Variants in HPD observed in about 807,000 individuals in gnomAD.
The protein encoded by HPD is 4-hydroxyphenylpyruvate dioxygenase, also known as 4-hydroxyphenylpyruvic acid oxidase.
Under a neutral mutation model 56.9 loss-of-function variants are expected in HPD, and 35 were observed. The ratio of observed to expected loss-of-function variants is 0.62; its 90% confidence interval spans 0.47 to 0.82. The LOEUF (loss-of-function observed/expected upper bound fraction) is 0.82. Ranked by LOEUF, HPD falls within the 40% of genes least tolerant of loss-of-function variation. HPD has a pLI of 0.00. For missense variants in HPD, 442 were observed against 506.8 expected, an observed-to-expected ratio of 0.87 and a Z score of 1.23; for synonymous variants, 186 against 200.2, an observed-to-expected ratio of 0.93 and a Z score of 0.60.
intron 7 of HPD, chr12:121,850,071 T>C: frequency 2.4e-6 from 1 of 422,116 alleles, no homozygotes; most frequent in Non-Finnish European, 4.5e-6. Context: ...AGCACCTACT[T>C]CATTTATTTC....
the HPD span, among the ~76,000 whole-genome samples, chr12:121,878,671 T>G: frequency 6.7e-6 from 1 of 148,386 alleles, no homozygotes; most frequent in South Asian, 2.1e-4. Flanking sequence ...TTTTGGTTTT[T>G]CGTTCTTTTT....
chr12:121,854,266 T>A (rs1004360334), intron 7 of HPD, among the ~76,000 whole-genome samples: 10 of 151,964 alleles, frequency 6.6e-5, no homozygotes, highest in East Asian at 3.9e-4. Flanking sequence ...TAAAAAAAAA[T>A]TTTTTTGAGG....
chr12:121,858,768 T>A, intron 1 of HPD, 53 bp downstream of exon 1: 1 of 1,613,922 alleles, frequency 6.2e-7, no homozygotes, highest in Middle Eastern at 1.6e-4. Flanking sequence ...AAGGTGCTTC[T>A]GGAAGCGTTA....
At chr12:121,841,720 G>A (rs1388216355) in intron 12 of HPD, among the ~76,000 whole-genome samples, 1 of 150,824 alleles carries the variant, frequency 6.6e-6, no homozygotes, top group Non-Finnish European at 1.5e-5. Context: ...GTTTCACTCT[G>A]TCGCCCAGGC....
At chr12:121,872,752 T>C in the HPD span, among the ~76,000 whole-genome samples, 1 of 151,876 alleles carries the variant, frequency 6.6e-6, no homozygotes, top group Non-Finnish European at 1.5e-5. Flanking sequence ...CTCTGAGCTC[T>C]GAGTATGCTG....
chr12:121,854,644 C>T (rs969683124), intron 7 of HPD, 59 bp downstream of exon 7: 44 of 1,175,222 alleles, frequency 3.7e-5, no homozygotes, highest in Non-Finnish European at 5.4e-5. Flanking sequence ...AGCTGCGGGG[C>T]TCCTGGCATC....
rs1795963 is a variant in HPD, at chr12:121,843,669, A to G, written c.954+41T>C. On this transcript the variant is annotated intron_variant, in intron 12 of 13. Coordinates refer to ENST00000289004, the MANE Select transcript of HPD (RefSeq NM_002150.3). ...TCTGAAAAGATGCAATGCAGAGCTC[A>G]TACTCCCCCCACAAGGCTGCGGATC... The G allele has an allele frequency of 0.63, 1,020,787 of 1,609,634 alleles. 328,955 individuals carry two copies. The highest frequency in any genetic ancestry group is 0.87 in the African/African-American group (64,909 of 74,904).
chr12:121,858,769 GGAAGCGTTACT>G, intron 1 of HPD, 41 bp downstream of exon 1: 1 of 1,613,952 alleles, frequency 6.2e-7, no homozygotes, highest in Non-Finnish European at 8.5e-7. Context: ...AGGTGCTTCT[GGAAGCGTTACT>G]GAAGATGTCC....
upstream of HPD, among the ~76,000 whole-genome samples, chr12:121,859,887 G>A (rs1018284372): frequency 6.6e-6 from 1 of 152,208 alleles, no homozygotes; most frequent in Non-Finnish European, 1.5e-5. Context: ...GGCCGGGGGT[G>A]GTGGCTCACG....
Position 121,843,829 on chromosome 12 carries a change from G to C in HPD, c.835C>G (p.Arg279Gly), listed in dbSNP as rs148442477. The C allele has an allele frequency of 5.6e-6, 9 of 1,614,042 alleles. No individual in the cohort carries two copies. Among genetic ancestry groups the C allele is most frequent in the Admixed American group, 3.3e-5 (2 of 59,988 alleles). Residue 279 changes from arginine to glycine, a missense_variant, in exon 12 of 14, where the codon CGC becomes GGC. Physicochemically the swap from Arg to Gly is moderately radical, Grantham distance 125. Transcript: ENST00000289004. ...LKTEDIITAI[R>G]HLRERGLEFL... ...TCCAGGCCTCTCTCTCTCAAGTGGC[G>C]AATCTGTTTCAGAGCAAAGCTGAGG...
the HPD span, among the ~76,000 whole-genome samples, chr12:121,879,502 C>CTTCTCTTCTCTTCTCTT: frequency 2.0e-5 from 3 of 151,462 alleles, no homozygotes; most frequent in Non-Finnish European, 2.9e-5. Flanking sequence ...CTTCTCTTCT[C>CTTCTCTTCTCTTCTCTT]TTTTTTCTTT....
At chr12:121,849,237 C>T (rs1057461289) in intron 8 of HPD, among the ~76,000 whole-genome samples, 161 bp from the exon 9 acceptor site, 10 of 151,272 alleles carry the variant, frequency 6.6e-5, no homozygotes, top group African/African-American at 9.7e-5. Context: ...TTTTTTTTGC[C>T]CAGGTTGGTC....
intron 2 of HPD, among the ~76,000 whole-genome samples, 179 bp from the exon 3 acceptor site, chr12:121,857,998 C>G (rs1402037337): frequency 6.6e-6 from 1 of 152,138 alleles, no homozygotes. Context: ...GGAAGTTGAG[C>G]TCCTGGGTGT....
chr12:121,844,622 G>A (rs1422990232), intron 11 of HPD, among the ~76,000 whole-genome samples: 5 of 151,832 alleles, frequency 3.3e-5, no homozygotes, highest in African/African-American at 7.2e-5. Flanking sequence ...GGTGGCTCAC[G>A]CCTGTAATCC....
intron 3 of HPD, 76 bp from the exon 4 acceptor site, chr12:121,857,508 GC>G (rs1878048497): frequency 2.7e-6 from 3 of 1,131,802 alleles, no homozygotes; most frequent in African/African-American, 1.5e-5. Context: ...AGAGCCCCTG[GC>G]CCCCCTCAGC....
intron 7 of HPD, among the ~76,000 whole-genome samples, chr12:121,853,911 T>G (rs562064130): frequency 5.3e-5 from 8 of 150,042 alleles, no homozygotes; most frequent in Non-Finnish European, 1.2e-4. Context: ...CACTCCAGCC[T>G]GGGCGACAGA....
chr12:121,839,678 A>G lies in HPD; in HGVS notation c.*50T>C. ...AGTAGGGAAGTTGGGCGAGTTCCAG[A>G]ATCAGGGGGCGTGGCTGTGTGGCTG... is the stretch of plus-strand genomic sequence containing the variant. On this transcript the variant is annotated 3_prime_UTR_variant, in exon 14 of 14. Transcript: ENST00000289004. 1 of 1,343,820 alleles carries G rather than the reference A, an allele frequency of 7.4e-7. No individual in the cohort carries two copies. The allele number at this position is 1,343,820 out of a possible 1,614,324, so 83.2% of individuals were successfully genotyped here. A position where few individuals can be genotyped will look rare whatever the true frequency, so the allele number is the denominator to read the frequency against.
chr12:121,853,030 A>G (rs1404323227), intron 7 of HPD, among the ~76,000 whole-genome samples: 2 of 152,190 alleles, frequency 1.3e-5, no homozygotes, highest in African/African-American at 4.8e-5. Context: ...TTACGGGGAC[A>G]TGGATGGAGC....
chr12:121,845,281 A>G (rs552908058), intron 11 of HPD, among the ~76,000 whole-genome samples: 1 of 149,030 alleles, frequency 6.7e-6, no homozygotes, highest in African/African-American at 2.6e-5. Flanking sequence ...CACCTGGCTA[A>G]TTTTTTGATT....
Sources: allele counts gnomAD v4.1 joint callset (sites outside exome capture counted in the v4.1 genomes callset), GRCh38; gene constraint gnomAD v4.1.1; transcripts MANE v1.5; gene names NCBI Gene and HGNC (gene_info 2026-07-23, HGNC 2026-07-21).